UBN2: variants seen among roughly 807,000 people sequenced by gnomAD.
The protein encoded by UBN2 is ubinuclein-2.
In UBN2, 35 loss-of-function variants were observed where a neutral mutation model predicts 120.2. That is an observed-to-expected ratio of 0.29 (90% CI 0.22 to 0.39). The LOEUF is 0.39. Among genes scored for constraint, UBN2 ranks in the 10% least tolerant of loss-of-function variants. UBN2 has a pLI of 1.00. For synonymous variants in UBN2, 661 were observed against 648.7 expected, an observed-to-expected ratio of 1.02 and a Z score of -0.29; for missense variants, 1,693 against 1,663.2, an observed-to-expected ratio of 1.02 and a Z score of -0.31.
intron 9 of UBN2, 54 bp downstream of exon 9, chr7:139,272,494 T>TTATGTATGTATG (rs142378700): frequency 0.022 from 24,822 of 1,104,850 alleles, 1,455 homozygotes; most frequent in Admixed American, 0.13. Flanking sequence ...TGTATGTACG[T>TTATGTATGTATG]TATGTATGTA....
rs1251478747 is a variant in UBN2, at chr7:139,298,320, A to C, written c.*484A>C. ...ATGGACTGTGTAGCAGATTTGCCACAAAAAGAAATAATAATGATTCTATCT... is the reference window on the plus strand; with the variant it reads ...ATGGACTGTGTAGCAGATTTGCCACCAAAAGAAATAATAATGATTCTATCT... On this transcript the variant is annotated 3_prime_UTR_variant, in exon 18 of 18. Transcript: ENST00000473989. The C allele has an allele frequency of 6.5e-6, 1 of 154,358 alleles. No homozygotes were observed. The highest frequency in any genetic ancestry group is 2.4e-5 in the African/African-American group (1 of 41,458). 9.6% of individuals were successfully genotyped at this position (154,358 alleles called of 1,614,324 possible).
the UBN2 span, among the ~76,000 whole-genome samples, chr7:139,319,844 AGGT>A: frequency 1.3e-5 from 2 of 152,128 alleles, no homozygotes; most frequent in African/African-American, 4.8e-5. Flanking sequence ...TGGGAGGCCG[AGGT>A]GGGCGTATCA....
chr7:139,311,476 C>T (rs1798446030), downstream of UBN2, among the ~76,000 whole-genome samples: 1 of 152,236 alleles, frequency 6.6e-6, no homozygotes, highest in South Asian at 2.1e-4. Context: ...AGCTGTGTCA[C>T]TCTAGACAAG....
Position 139,298,110 on chromosome 7 carries a change from G to T in UBN2, c.*274G>T, listed in dbSNP as rs1177417598. 1 of 338,178 alleles carries T rather than the reference G, an allele frequency of 3.0e-6. No homozygotes were observed. Among genetic ancestry groups the T allele is most frequent in the Non-Finnish European group, 5.3e-6 (1 of 187,138 alleles). The allele number at this position is 338,178 out of a possible 1,614,324, so 20.9% of individuals were successfully genotyped here. On this transcript the variant is annotated 3_prime_UTR_variant, in exon 18 of 18. Transcript: ENST00000473989. ...TAACAGACTTGAAAGAGACTCAGTTGTCAAACCCACAGAAATACAAATTTG... is the reference window on the plus strand; with the variant it reads ...TAACAGACTTGAAAGAGACTCAGTTTTCAAACCCACAGAAATACAAATTTG...
chr7:139,289,601 G>A (rs957142649), intron 15 of UBN2, among the ~76,000 whole-genome samples: 9 of 151,380 alleles, frequency 5.9e-5, no homozygotes, highest in African/African-American at 1.9e-4. Context: ...TAGTAGAGAC[G>A]GTGTTTCACC....
rs1232694589 is a variant in UBN2 at position 139,303,532 on chromosome 7, AG to A, written c.*5701del. On this transcript the variant is annotated 3_prime_UTR_variant, in exon 18 of 18. Coordinates refer to ENST00000473989, the MANE Select transcript of UBN2 (RefSeq NM_173569.4). ...GTGTTATTCTTGAATGACTATGTCT[AG>A]GGGGAATATTGTTTAACCTTCGTGC... The A allele has an allele frequency of 6.6e-6, 1 of 152,226 alleles. No individual in the cohort carries two copies. The highest frequency in any genetic ancestry group is 1.5e-5 in the Non-Finnish European group (1 of 68,024). The allele number at this position is 152,226 out of a possible 1,614,324, so 9.4% of individuals were successfully genotyped here. A position where few individuals can be genotyped will look rare whatever the true frequency, so the allele number is the denominator to read the frequency against.
Position 139,298,654 on chromosome 7 carries a change from A to G in UBN2, c.*818A>G, listed in dbSNP as rs1469840245. 1.3e-5 allele frequency: 2 copies of G among 151,730 alleles called. No homozygotes were observed. Among genetic ancestry groups the G allele is most frequent in the East Asian group, 3.9e-4 (2 of 5,182 alleles). 9.4% of individuals were successfully genotyped at this position (151,730 alleles called of 1,614,324 possible). ...ATCTAGTATTGACTGGTTAATTCTT[A>G]TTTCCATTCTTGATGTTAAAATGTG... On this transcript the variant is annotated 3_prime_UTR_variant, in exon 18 of 18. Coordinates refer to ENST00000473989, the MANE Select transcript of UBN2 (RefSeq NM_173569.4).
chr7:139,326,756 G>C, the UBN2 span, among the ~76,000 whole-genome samples: 1 of 152,172 alleles, frequency 6.6e-6, no homozygotes, highest in Non-Finnish European at 1.5e-5. Context: ...GACTCATCCT[G>C]GCACATATGG....
intron 6 of UBN2, among the ~76,000 whole-genome samples, chr7:139,265,234 A>G (rs1797059848): frequency 6.6e-6 from 1 of 152,058 alleles, no homozygotes; most frequent in African/African-American, 2.4e-5. Context: ...AGTGGCCCAC[A>G]CCTGTAATCC....
intron 2 of UBN2, among the ~76,000 whole-genome samples, chr7:139,242,003 C>G (rs547129091): frequency 1.6e-4 from 24 of 151,944 alleles, no homozygotes; most frequent in South Asian, 4.1e-4. Context: ...AGCTCCCCCC[C>G]CCAAAAAAAG....
chr7:139,308,792 C>T (rs1160821642), downstream of UBN2, among the ~76,000 whole-genome samples: 2 of 152,174 alleles, frequency 1.3e-5, no homozygotes, highest in African/African-American at 4.8e-5. Flanking sequence ...AGGTAAGAGG[C>T]CGGGCGTGGT....
chr7:139,242,130 A>T (rs951045815), intron 2 of UBN2, among the ~76,000 whole-genome samples: 1 of 152,212 alleles, frequency 6.6e-6, no homozygotes, highest in Non-Finnish European at 1.5e-5. Flanking sequence ...AGTAAATACT[A>T]CTCGGCTAAG....
At chr7:139,249,765 G>T (rs1796570335) in intron 2 of UBN2, among the ~76,000 whole-genome samples, 1 of 152,164 alleles carries the variant, frequency 6.6e-6, no homozygotes, top group East Asian at 1.9e-4. Flanking sequence ...GAGTGCAGTG[G>T]CATGAACTTG....
chr7:139,264,265 A>T (rs896809135), intron 6 of UBN2, among the ~76,000 whole-genome samples: 1 of 151,760 alleles, frequency 6.6e-6, no homozygotes, highest in Non-Finnish European at 1.5e-5. Context: ...GAGATTACCA[A>T]CTCTACTGAT....
rs116306357 is a variant in UBN2, at chr7:139,249,131, A to C, written c.562-2825A>C. Among the ~76,000 whole-genome samples, 727 of 152,160 alleles carry C rather than the reference A, an allele frequency of 4.8e-3. 6 individuals are homozygous for C. The highest frequency in any genetic ancestry group is 0.017 in the African/African-American group (697 of 41,502). On this transcript the variant is annotated intron_variant, in intron 2 of 17. Coordinates refer to ENST00000473989, the MANE Select transcript of UBN2 (RefSeq NM_173569.4). ...TATACCCTCAGTAGCCCTATTTAGC[A>C]AGATGTTGGTTCCTAGAATTGTACT...
At chr7:139,247,028 T>A (rs1385244617) in intron 2 of UBN2, among the ~76,000 whole-genome samples, 3 of 151,942 alleles carry the variant, frequency 2.0e-5, no homozygotes, top group African/African-American at 7.3e-5. Context: ...AACGTGAGAG[T>A]GCAAGTCTGT....
the UBN2 span, among the ~76,000 whole-genome samples, chr7:139,324,324 CT>C: frequency 0.026 from 3,907 of 151,958 alleles, 174 homozygotes; most frequent in African/African-American, 0.089. Context: ...AATCCCAGCA[CT>C]TTGGGAGGCC....
At chr7:139,323,821 A>AT in the UBN2 span, among the ~76,000 whole-genome samples, 2 of 151,526 alleles carry the variant, frequency 1.3e-5, no homozygotes, top group Admixed American at 6.6e-5. Flanking sequence ...AATGGATGTG[A>AT]TTTTTTTTGT....
intron 6 of UBN2, among the ~76,000 whole-genome samples, chr7:139,263,300 G>T (rs922706140): frequency 1.3e-5 from 2 of 152,124 alleles, no homozygotes; most frequent in Admixed American, 1.3e-4. Flanking sequence ...CCTACTTTAT[G>T]CCAGGTACTA....
Sources: gnomAD v4.1 joint callset for allele counts (sites outside exome capture counted in the v4.1 genomes callset) on GRCh38, gnomAD v4.1.1 for gene constraint, MANE v1.5 for transcripts, NCBI Gene and HGNC (gene_info 2026-07-23, HGNC 2026-07-21) for gene names.